ZNF565: variants seen among roughly 807,000 people sequenced by gnomAD.
ZNF565 encodes the protein zinc finger protein 565.
Under a neutral mutation model 39.4 loss-of-function variants are expected in ZNF565, and 27 were observed. The observed-to-expected ratio is 0.69, with a 90% CI of 0.51 to 0.95. ZNF565 has a LOEUF of 0.95. Ranked by LOEUF, ZNF565 falls within the 40% of genes least tolerant of loss-of-function variation. The probability of loss-of-function intolerance (pLI) is 0.00; values close to 1 mark genes in which losing one functional copy is unlikely to be tolerated. For missense variants in ZNF565, 524 were observed against 621.1 expected (o/e 0.84, Z 1.66); for synonymous variants, 185 against 216.6 (o/e 0.85, Z 1.28).
intron 1 of ZNF565, among the ~76,000 whole-genome samples, chr19:36,211,169 G>A (rs947470096): frequency 2.6e-5 from 4 of 152,122 alleles, no homozygotes; most frequent in Admixed American, 6.6e-5. Flanking sequence ...AAGGCCAGGC[G>A]AGGTGGCTCA....
At position 36,199,639 on chromosome 19, in the gene ZNF565, T is replaced by C. The variant is rs143915600; in HGVS notation, c.9+2338A>G. 9.0e-4 allele frequency among the ~76,000 whole-genome samples: 136 copies of C among 151,796 alleles called. No individual in the cohort carries two copies. In the East Asian group the frequency reaches 0.018, roughly 20 times the overall value. ...CTCCTGTCTGAGCCTCCTGAGTAGC[T>C]GGGACTACAGGTGGCATGCCACTGC... On this transcript the variant is annotated intron_variant, in intron 2 of 4. Transcript: ENST00000304116.
intron 1 of ZNF565, among the ~76,000 whole-genome samples, chr19:36,232,609 C>CTTT (rs548903056): frequency 2.1e-5 from 3 of 140,068 alleles, no homozygotes; most frequent in South Asian, 4.5e-4. Flanking sequence ...TTTCTTTTTT[C>CTTT]TTTTTTTTTT....
intron 1 of ZNF565, among the ~76,000 whole-genome samples, chr19:36,232,630 A>G (rs2145449517): frequency 6.9e-6 from 1 of 144,100 alleles, no homozygotes; most frequent in Admixed American, 7.1e-5. Context: ...TTTTCCCGAG[A>G]CATAGTCTCC....
chr19:36,244,954 G>A (rs893258437), intron 1 of ZNF565, among the ~76,000 whole-genome samples: 7 of 151,942 alleles, frequency 4.6e-5, no homozygotes, highest in Admixed American at 6.6e-5. Flanking sequence ...TCTTGTTGAC[G>A]GTCAGTTTTG....
chr19:36,200,386 T>C (rs1158207563), intron 2 of ZNF565, among the ~76,000 whole-genome samples: 1 of 152,132 alleles, frequency 6.6e-6, no homozygotes, highest in Non-Finnish European at 1.5e-5. Flanking sequence ...ATCAGTAACA[T>C]ACATTTTATG....
intron 4 of ZNF565, among the ~76,000 whole-genome samples, chr19:36,188,773 G>A (rs1975416241): frequency 6.6e-6 from 1 of 151,300 alleles, no homozygotes. Context: ...TAAACAAAGT[G>A]TGTATATAAT....
chr19:36,231,867 A>C (rs1233580772), intron 1 of ZNF565, among the ~76,000 whole-genome samples: 5 of 151,600 alleles, frequency 3.3e-5, no homozygotes, highest in Non-Finnish European at 5.9e-5. Context: ...GGAGTTCTAG[A>C]CCAGCCTGGG....
intron 2 of ZNF565, among the ~76,000 whole-genome samples, chr19:36,198,171 G>A (rs760731256): frequency 1.3e-5 from 2 of 151,858 alleles, no homozygotes; most frequent in Non-Finnish European, 2.9e-5. Context: ...GTATATCGAA[G>A]AGATATCTGC....
At chr19:36,231,399 A>G (rs892864154) in intron 1 of ZNF565, among the ~76,000 whole-genome samples, 2 of 151,974 alleles carry the variant, frequency 1.3e-5, no homozygotes, top group African/African-American at 4.8e-5. Context: ...TTTGGTAACC[A>G]GTTTTCACCA....
intron 4 of ZNF565, among the ~76,000 whole-genome samples, chr19:36,190,364 G>A (rs1975483889): frequency 6.6e-6 from 1 of 151,034 alleles, no homozygotes; most frequent in Non-Finnish European, 1.5e-5. Flanking sequence ...ATCACCTGAG[G>A]TCGGGAGTTT....
chr19:36,205,147 G>A (rs576942295), intron 1 of ZNF565, among the ~76,000 whole-genome samples: 1 of 152,240 alleles, frequency 6.6e-6, no homozygotes, highest in East Asian at 1.9e-4. Context: ...AGGTTCTTTG[G>A]GAAGCTGAGG....
chr19:36,184,328 A>C (rs1280824233), intron 4 of ZNF565, among the ~76,000 whole-genome samples: 1 of 151,766 alleles, frequency 6.6e-6, no homozygotes, highest in Non-Finnish European at 1.5e-5. Context: ...ATGCAGTGGT[A>C]CAATCTTGGC....
In ZNF565 at chr19:36,205,998, G is replaced by A. The variant is rs1047456668; in HGVS notation, c.-65-3948C>T. Among the ~76,000 whole-genome samples, 3 of 146,714 alleles carry A rather than the reference G, an allele frequency of 2.0e-5. No homozygotes were observed. In the East Asian group the frequency reaches 5.9e-4, roughly 29 times the overall value. On this transcript the variant is annotated intron_variant, in intron 1 of 4. Transcript: ENST00000304116. ...TTTTTTTGAGACAAAATCTTGCTCT[G>A]TCACCGAGGCTGGAGTGCACTGACG...
chr19:36,220,925 C>G (rs2145405322), intron 1 of ZNF565, among the ~76,000 whole-genome samples: 1 of 150,410 alleles, frequency 6.6e-6, no homozygotes, highest in African/African-American at 2.5e-5. Flanking sequence ...GATCTTGGCT[C>G]ACTTGCAACA....
chr19:36,183,272 A>T lies in ZNF565; in HGVS notation c.694T>A (p.Phe232Ile). The T allele has an allele frequency of 1.2e-6, 2 of 1,614,138 alleles. No homozygotes were observed. Among genetic ancestry groups the T allele is most frequent in the Non-Finnish European group, 1.7e-6 (2 of 1,180,040 alleles). The change falls in exon 5 of 5, where the codon TTT becomes ATT. Residue 232 changes from phenylalanine (F) to isoleucine (I), a missense_variant. Transcript: ENST00000304116. ...AGAATAAGTTCTGATGTACGACCAA[A>T]GGCCTTCCCACAGTCCTTACAGTCA... The part of the protein sequence containing the change: ...PYDCKDCGKA[F>I]GRTSELILHQ...
intron 1 of ZNF565, among the ~76,000 whole-genome samples, chr19:36,230,674 C>A (rs1012639856): frequency 2.6e-5 from 4 of 152,092 alleles, no homozygotes; most frequent in Non-Finnish European, 4.4e-5. Context: ...TGATCAGGGC[C>A]GTGGGCTGGA....
At chr19:36,238,817 G>C (rs1346773633) in intron 1 of ZNF565, 1 of 165,520 alleles carries the variant, frequency 6.0e-6, no homozygotes, top group East Asian at 1.9e-4. Flanking sequence ...CTATATCGGG[G>C]TCCCCAGCTC....
At chr19:36,240,174 TTAAAA>T (rs755214026) in intron 1 of ZNF565, among the ~76,000 whole-genome samples, 7 of 152,246 alleles carry the variant, frequency 4.6e-5, no homozygotes, top group South Asian at 2.1e-4. Context: ...TGGAAAGTGT[TTAAAA>T]TATACAACAA....
chr19:36,211,180 C>T (rs938623452), intron 1 of ZNF565, among the ~76,000 whole-genome samples: 3 of 152,240 alleles, frequency 2.0e-5, no homozygotes, highest in South Asian at 2.1e-4. Context: ...AGGTGGCTCA[C>T]GCCTATAATC....
Sources: gnomAD v4.1 joint callset for allele counts (sites outside exome capture counted in the v4.1 genomes callset) on GRCh38, gnomAD v4.1.1 for gene constraint, MANE v1.5 for transcripts, NCBI Gene and HGNC (gene_info 2026-07-23, HGNC 2026-07-21) for gene names.